HCRTR2: variants seen among roughly 807,000 people sequenced by gnomAD.
The protein encoded by HCRTR2 is orexin receptor type 2.
Under a neutral mutation model 49.0 loss-of-function variants are expected in HCRTR2, and 22 were observed. That is an observed-to-expected ratio of 0.45 (90% CI 0.32 to 0.64). The LOEUF (loss-of-function observed/expected upper bound fraction) is 0.64, where lower values mean the gene tolerates loss of function less well. Ranked by LOEUF, HCRTR2 falls within the 30% of genes least tolerant of loss-of-function variation. The pLI is 0.04. For missense variants in HCRTR2, 491 were observed against 559.4 expected (o/e 0.88, Z 1.23); for synonymous variants, 236 against 205.3 (o/e 1.15, Z -1.28).
intron 1 of HCRTR2, among the ~76,000 whole-genome samples, chr6:55,155,068 A>C (rs1188595306): frequency 1.3e-5 from 2 of 151,930 alleles, no homozygotes; most frequent in Non-Finnish European, 2.9e-5. Flanking sequence ...GCTGATAAAA[A>C]AATTAAAGAA....
chr6:55,162,386 G>A (rs1160311029), intron 1 of HCRTR2, among the ~76,000 whole-genome samples: 1 of 152,162 alleles, frequency 6.6e-6, no homozygotes, highest in Non-Finnish European at 1.5e-5. Context: ...ATATCATACT[G>A]AATGGGCAAA....
intron 1 of HCRTR2, among the ~76,000 whole-genome samples, chr6:55,155,851 A>G (rs2127260010): frequency 6.6e-6 from 1 of 152,124 alleles, no homozygotes; most frequent in Non-Finnish European, 1.5e-5. Flanking sequence ...GATTCATCTT[A>G]TCTATATAAG....
chr6:55,276,896 A>G (rs1273926833), intron 4 of HCRTR2, among the ~76,000 whole-genome samples: 2 of 152,144 alleles, frequency 1.3e-5, no homozygotes, highest in Non-Finnish European at 2.9e-5. Flanking sequence ...GAAGCAGAAA[A>G]CCTGAAAAGC....
intron 4 of HCRTR2, among the ~76,000 whole-genome samples, chr6:55,270,224 A>T (rs1038308889): frequency 6.6e-6 from 1 of 152,212 alleles, no homozygotes; most frequent in Non-Finnish European, 1.5e-5. Context: ...ATAGCTCTGG[A>T]TTATTAAAAA....
chr6:55,117,873 T>C (rs1764140507), intron 1 of HCRTR2, among the ~76,000 whole-genome samples: 1 of 150,388 alleles, frequency 6.6e-6, no homozygotes, highest in African/African-American at 2.4e-5. Context: ...ACTGTTTGTT[T>C]TTTTTTCTGT....
chr6:55,222,089 A>G (rs1433633246), intron 1 of HCRTR2, among the ~76,000 whole-genome samples: 1 of 152,192 alleles, frequency 6.6e-6, no homozygotes, highest in Admixed American at 6.5e-5. Flanking sequence ...TTCAAAATAT[A>G]TAAGGAACAC....
rs1371046329 is a variant in HCRTR2 at position 55,245,451 on chromosome 6, A to G, written c.224-3188A>G. Among the ~76,000 whole-genome samples the G allele has an allele frequency of 2.3e-5, 3 of 132,400 alleles. No homozygotes were observed. In the Admixed American group the frequency reaches 2.5e-4, roughly 11 times the overall value. The allele number at this position is 132,400 out of a possible 152,430, so 86.9% of individuals were successfully genotyped here. A position where few individuals can be genotyped will look rare whatever the true frequency, so the allele number is the denominator to read the frequency against. On this transcript the variant is annotated intron_variant, in intron 1 of 6. Coordinates refer to ENST00000370862, the MANE Select transcript of HCRTR2 (RefSeq NM_001384272.1). ...CATGTATATATACCAGTATACACAT[A>G]GAATACATAGGAAGATTTTATATAT...
chr6:55,201,579 A>G (rs3134700), intron 1 of HCRTR2, among the ~76,000 whole-genome samples: 42,453 of 152,034 alleles, frequency 0.28, 6,557 homozygotes, highest in African/African-American at 0.4. Flanking sequence ...TTTTTAAATG[A>G]TAAGCAAATA....
chr6:55,226,748 C>G (rs3122165), intron 1 of HCRTR2, among the ~76,000 whole-genome samples: 13 of 120,452 alleles, frequency 1.1e-4, no homozygotes, highest in African/African-American at 4.5e-4. Flanking sequence ...GACAGAGTCT[C>G]GCTCTGTCGC....
chr6:55,184,923 C>T (rs374559595), intron 1 of HCRTR2, among the ~76,000 whole-genome samples: 2 of 152,044 alleles, frequency 1.3e-5, no homozygotes, highest in Admixed American at 6.6e-5. Context: ...TTCATCAATT[C>T]GGAATGAATT....
At chr6:55,227,193 T>G (rs1435459483) in intron 1 of HCRTR2, among the ~76,000 whole-genome samples, 5 of 152,140 alleles carry the variant, frequency 3.3e-5, no homozygotes, top group Non-Finnish European at 5.9e-5. Context: ...CTAGCCAAAA[T>G]TATGCATTAT....
At chr6:55,204,526 T>C (rs931572288) in intron 1 of HCRTR2, among the ~76,000 whole-genome samples, 1 of 152,070 alleles carries the variant, frequency 6.6e-6, no homozygotes, top group African/African-American at 2.4e-5. Context: ...TTTGTAGGTG[T>C]TGTGGTGATG....
chr6:55,150,053 TCA>T (rs746428415), intron 1 of HCRTR2, among the ~76,000 whole-genome samples: 61 of 152,104 alleles, frequency 4.0e-4, no homozygotes, highest in Non-Finnish European at 5.6e-4. Flanking sequence ...CAGGTCAACC[TCA>T]GTTTCCAGGA....
intron 1 of HCRTR2, among the ~76,000 whole-genome samples, chr6:55,160,774 A>G (rs2127262206): frequency 6.6e-6 from 1 of 152,368 alleles, no homozygotes; most frequent in East Asian, 1.9e-4. Context: ...CAATGCAACA[A>G]GAACAGCTAG....
chr6:55,253,283 C>T (rs1460005710), intron 2 of HCRTR2, among the ~76,000 whole-genome samples: 1 of 151,968 alleles, frequency 6.6e-6, no homozygotes, highest in Non-Finnish European at 1.5e-5. Context: ...CAATAGTGTG[C>T]AGCTAGCTGA....
chr6:55,255,300 C>T lies in HCRTR2; in HGVS notation c.567C>T (p.Ile189=), dbSNP rs201030933. The T allele has an allele frequency of 1.5e-5, 24 of 1,613,858 alleles. No individual in the cohort carries two copies. Among genetic ancestry groups the T allele is most frequent in the Middle Eastern group, 1.6e-4 (1 of 6,082 alleles). Residue 189 remains isoleucine (I), a synonymous_variant, in exon 3 of 7, where the codon ATC becomes ATT. Transcript: ENST00000370862. ...VSCIIMIPQA[I]VMECSTVFPG... ...GCATTATAATGATTCCTCAGGCCAT[C>T]GTCATGGAGTGCAGCACCGTGTTCC...
intron 1 of HCRTR2, among the ~76,000 whole-genome samples, chr6:55,180,596 AT>A (rs1490465020): frequency 1.3e-5 from 2 of 152,170 alleles, no homozygotes; most frequent in Admixed American, 6.5e-5. Flanking sequence ...TGGAAAAAAA[AT>A]GTTAGATAAT....
At chr6:55,183,437 A>T (rs1042972599) in intron 1 of HCRTR2, among the ~76,000 whole-genome samples, 1 of 152,230 alleles carries the variant, frequency 6.6e-6, no homozygotes, top group Non-Finnish European at 1.5e-5. Flanking sequence ...GTAAGTGCAG[A>T]TGAGGAGAGT....
chr6:55,228,423 T>G (rs966175658), intron 1 of HCRTR2, among the ~76,000 whole-genome samples: 6 of 152,206 alleles, frequency 3.9e-5, no homozygotes, highest in Non-Finnish European at 8.8e-5. Flanking sequence ...CTTCTTAGCA[T>G]CTTTGTCTTG....
Sources: allele counts gnomAD v4.1 joint callset (sites outside exome capture counted in the v4.1 genomes callset), GRCh38; gene constraint gnomAD v4.1.1; transcripts MANE v1.5; gene names NCBI Gene and HGNC (gene_info 2026-07-23, HGNC 2026-07-21).